Variants in B4GALT1 observed in about 807,000 individuals in gnomAD.
B4GALT1 encodes N-acetyllactosamine synthase.
In B4GALT1, 16 loss-of-function variants were observed where a neutral mutation model predicts 34.9. The ratio of observed to expected loss-of-function variants is 0.46; its 90% CI spans 0.31 to 0.70. B4GALT1 has a LOEUF of 0.70. Ranked by LOEUF, B4GALT1 falls within the 30% of genes least tolerant of loss-of-function variation. The pLI, the probability that B4GALT1 is intolerant of heterozygous loss-of-function variation, is 0.05. For synonymous variants in B4GALT1, 221 were observed against 218.1 expected, an observed-to-expected ratio of 1.01 and a Z score of -0.12; for missense variants, 445 against 530.5, an observed-to-expected ratio of 0.84 and a Z score of 1.58.
chr9:33,137,851 G>A (rs1840293087), intron 1 of B4GALT1, among the ~76,000 whole-genome samples: 1 of 152,280 alleles, frequency 6.6e-6, no homozygotes, highest in South Asian at 2.1e-4. Flanking sequence ...GCCAGGCCTG[G>A]GCTGCCCAAC....
At chr9:33,164,730 A>G (rs2118331034) in intron 1 of B4GALT1, among the ~76,000 whole-genome samples, 1 of 152,216 alleles carries the variant, frequency 6.6e-6, no homozygotes, top group African/African-American at 2.4e-5. Context: ...AATGTAATCA[A>G]CTTTGCGGTA....
chr9:33,177,255 C>T, the B4GALT1 span, among the ~76,000 whole-genome samples: 1 of 152,172 alleles, frequency 6.6e-6, no homozygotes, highest in Non-Finnish European at 1.5e-5. Flanking sequence ...TCACTTAGGT[C>T]CTGAATAATT....
At chr9:33,180,376 T>C in the B4GALT1 span, among the ~76,000 whole-genome samples, 2 of 152,190 alleles carry the variant, frequency 1.3e-5, no homozygotes, top group African/African-American at 4.8e-5. Flanking sequence ...CAATTTCCAA[T>C]ATCATACTTT....
At chr9:33,166,659 T>A in intron 1 of B4GALT1, 99 bp downstream of exon 1, 1 of 1,295,890 alleles carries the variant, frequency 7.7e-7, no homozygotes, top group Non-Finnish European at 1.0e-6. Flanking sequence ...GGAGGCTGGC[T>A]GTCGTAGAAG....
chr9:33,150,826 T>C (rs1382072433), intron 1 of B4GALT1, among the ~76,000 whole-genome samples: 2 of 152,138 alleles, frequency 1.3e-5, no homozygotes, highest in African/African-American at 2.4e-5. Context: ...AAACTATAAA[T>C]ACGTTAGAAT....
At chr9:33,106,521 G>A (rs975930729), downstream of B4GALT1, among the ~76,000 whole-genome samples, 2 of 152,200 alleles carry the variant, frequency 1.3e-5, no homozygotes, top group African/African-American at 4.8e-5. Context: ...GTGAGAGGAA[G>A]GATGGAGACA....
chr9:33,137,304 T>C (rs762879251), intron 1 of B4GALT1, among the ~76,000 whole-genome samples: 1 of 152,214 alleles, frequency 6.6e-6, no homozygotes, highest in Non-Finnish European at 1.5e-5. Flanking sequence ...TAGCAAACTT[T>C]CGCATTGAGA....
Position 33,167,226 on chromosome 9 carries a change from G to A in B4GALT1, c.-57C>T. On this transcript the variant is annotated 5_prime_UTR_variant, in exon 1 of 6. Transcript: ENST00000379731. ...CTACAGGAGGGGAGGCGACCCGCCC[G>A]CGGGCCGCCCGCCAGGCGCTGCCCC... 2 of 1,466,996 alleles carry A rather than the reference G, an allele frequency of 1.4e-6. No homozygotes were observed. The highest frequency in any genetic ancestry group is 2.8e-5 in the South Asian group (2 of 71,280). The allele number at this position is 1,466,996 out of a possible 1,614,324, so 90.9% of individuals were successfully genotyped here. A position where few individuals can be genotyped will look rare whatever the true frequency, so the allele number is the denominator to read the frequency against.
At position 33,137,432 on chromosome 9, in the gene B4GALT1, C is replaced by T. The variant is rs1255440645; in HGVS notation, c.413-2008G>A. 2.0e-5 allele frequency among the ~76,000 whole-genome samples: 3 copies of T among 152,296 alleles called. No homozygotes were observed. The South Asian group carries it at 6.2e-4, about 32-fold the overall frequency. ...GCCTCCCTCTCTGGTCATGCACCTCCCTCCTGGAGGGACAGAGGCCTTGAA... is the reference window on the plus strand; with the variant it reads ...GCCTCCCTCTCTGGTCATGCACCTCTCTCCTGGAGGGACAGAGGCCTTGAA... On this transcript the variant is annotated intron_variant, in intron 1 of 5. Transcript: ENST00000379731.
At chr9:33,147,781 T>C (rs868783561) in intron 1 of B4GALT1, among the ~76,000 whole-genome samples, 2 of 152,088 alleles carry the variant, frequency 1.3e-5, no homozygotes, top group Non-Finnish European at 1.5e-5. Context: ...AACATATATA[T>C]AATAGATGCA....
intron 2 of B4GALT1, among the ~76,000 whole-genome samples, chr9:33,129,222 C>A (rs1840157540): frequency 6.6e-6 from 1 of 151,968 alleles, no homozygotes; most frequent in Non-Finnish European, 1.5e-5. Flanking sequence ...AAAGTGAGAC[C>A]ATAAAGGTGC....
At chr9:33,113,936 G>A (rs888139124) in intron 4 of B4GALT1, 58 bp from the exon 5 acceptor site, 5 of 1,499,688 alleles carry the variant, frequency 3.3e-6, no homozygotes, top group Non-Finnish European at 4.6e-6. Context: ...TGGCCTGAGA[G>A]CCCCGGCTGC....
intron 1 of B4GALT1, among the ~76,000 whole-genome samples, chr9:33,157,839 C>T (rs181587964): frequency 1.4e-4 from 21 of 152,308 alleles, no homozygotes; most frequent in Admixed American, 1.0e-3. Context: ...TAAGCCCTTT[C>T]GTGGCTACTA....
At chr9:33,133,517 T>C (rs1840223928) in intron 2 of B4GALT1, among the ~76,000 whole-genome samples, 1 of 152,336 alleles carries the variant, frequency 6.6e-6, no homozygotes, top group South Asian at 2.1e-4. Flanking sequence ...ATCAGACAAA[T>C]GTTTCTCAAT....
chr9:33,158,697 G>A (rs1319132537), intron 1 of B4GALT1, among the ~76,000 whole-genome samples: 1 of 152,024 alleles, frequency 6.6e-6, no homozygotes, highest in Admixed American at 6.6e-5. Context: ...TCTGACTCTG[G>A]CCCTGGCCCA....
At chr9:33,158,123 T>TC (rs535619702) in intron 1 of B4GALT1, among the ~76,000 whole-genome samples, 16 of 151,590 alleles carry the variant, frequency 1.1e-4, no homozygotes, top group Non-Finnish European at 2.1e-4. Flanking sequence ...AACCAGGTTT[T>TC]CCCCCCCACT....
the B4GALT1 span, chr9:33,179,274 T>C: frequency 6.6e-6 from 1 of 152,238 alleles, no homozygotes. Flanking sequence ...CTGGGAATTG[T>C]ACTCCAGAAC....
At chr9:33,120,687 A>G in intron 2 of B4GALT1, 81 bp from the exon 3 acceptor site, 4 of 1,415,816 alleles carry the variant, frequency 2.8e-6, no homozygotes, top group Non-Finnish European at 3.9e-6. Flanking sequence ...TGACTTGTCC[A>G]CTACACATGG....
Position 33,113,286 on chromosome 9 carries a change from C to T in B4GALT1, c.*168G>A. ...TTCACATGCCGAGCCAAGTTGGGGG[C>T]AAAATATCCCACTCGTCCTGGTCAT... On this transcript the variant is annotated 3_prime_UTR_variant, in exon 6 of 6. Coordinates refer to ENST00000379731, the MANE Select transcript of B4GALT1 (RefSeq NM_001497.4). 2 of 1,010,876 alleles carry T rather than the reference C, an allele frequency of 2.0e-6. No individual in the cohort carries two copies. The highest frequency in any genetic ancestry group is 3.0e-6 in the Non-Finnish European group (2 of 660,938). The allele number at this position is 1,010,876 out of a possible 1,614,324, so 62.6% of individuals were successfully genotyped here.
Sources: gnomAD v4.1 joint callset for allele counts (sites outside exome capture counted in the v4.1 genomes callset) on GRCh38, gnomAD v4.1.1 for gene constraint, MANE v1.5 for transcripts, NCBI Gene and HGNC (gene_info 2026-07-23, HGNC 2026-07-21) for gene names.